The following SPRR2B variants were observed in gnomAD, a reference collection of about 807,000 sequenced individuals.
SPRR2B encodes the protein small proline-rich protein 2B.
SPRR2B carries 1 observed loss-of-function variant against 1.0 expected under a neutral mutation model. That is an observed-to-expected ratio of 1.01 (90% CI 0.36 to 4.77). The LOEUF is 4.77. Among genes scored for constraint, SPRR2B ranks in the 30% most tolerant of loss-of-function variants. The pLI is 0.16. For missense variants in SPRR2B, 53 were observed against 88.7 expected (o/e 0.60, Z 1.62); for synonymous variants, 27 against 33.4 (o/e 0.81, Z 0.66).
the SPRR2B span, among the ~76,000 whole-genome samples, chr1:153,078,283 AGAC>A: frequency 1.3e-5 from 2 of 152,240 alleles, no homozygotes; most frequent in Admixed American, 1.3e-4. Flanking sequence ...CACTAACATC[AGAC>A]ATAATTAACT....
chr1:153,073,929 T>C (rs1315900864), upstream of SPRR2B, among the ~76,000 whole-genome samples: 1 of 152,220 alleles, frequency 6.6e-6, no homozygotes, highest in Non-Finnish European at 1.5e-5. Context: ...TCACAAAGTA[T>C]ATTTGAATTT....
chr1:153,079,189 C>T, the SPRR2B span, among the ~76,000 whole-genome samples: 37 of 150,660 alleles, frequency 2.5e-4, no homozygotes, highest in East Asian at 6.0e-4. Context: ...TTATATCCTT[C>T]GCCCACTTTT....
chr1:153,079,726 C>G, the SPRR2B span, among the ~76,000 whole-genome samples: 1 of 152,026 alleles, frequency 6.6e-6, no homozygotes, highest in Non-Finnish European at 1.5e-5. Context: ...TGGTCTATAT[C>G]TCTGTTTTGG....
the SPRR2B span, among the ~76,000 whole-genome samples, chr1:153,084,963 A>G: frequency 6.6e-6 from 1 of 152,232 alleles, no homozygotes; most frequent in African/African-American, 2.4e-5. Flanking sequence ...ATCTGAATTG[A>G]TGTTATACCA....
upstream of SPRR2B, among the ~76,000 whole-genome samples, chr1:153,076,097 A>G (rs1251956813): frequency 1.3e-5 from 2 of 152,208 alleles, no homozygotes; most frequent in Admixed American, 1.3e-4. Context: ...ATATAATGTT[A>G]CCTCTAATTT....
the SPRR2B span, among the ~76,000 whole-genome samples, chr1:153,077,582 A>AAAAAAG: frequency 6.6e-6 from 1 of 151,422 alleles, no homozygotes; most frequent in Non-Finnish European, 1.5e-5. Flanking sequence ...CAAAAAAAAA[A>AAAAAAG]GGATAGAGTT....
chr1:153,084,497 G>A, the SPRR2B span, among the ~76,000 whole-genome samples: 32 of 152,004 alleles, frequency 2.1e-4, no homozygotes, highest in African/African-American at 7.3e-4. Context: ...CACAGAAAAA[G>A]CACACACACC....
the SPRR2B span, among the ~76,000 whole-genome samples, chr1:153,082,756 G>GAA: frequency 6.8e-6 from 1 of 145,992 alleles, no homozygotes; most frequent in Non-Finnish European, 1.5e-5. Flanking sequence ...CATTTTTAAT[G>GAA]AAAAAAAAAA....
chr1:153,083,519 A>G, the SPRR2B span, among the ~76,000 whole-genome samples: 1 of 152,170 alleles, frequency 6.6e-6, no homozygotes, highest in African/African-American at 2.4e-5. Context: ...TAAGGAACCG[A>G]GATTACAGGT....
At chr1:153,078,673 T>C in the SPRR2B span, among the ~76,000 whole-genome samples, 1 of 152,160 alleles carries the variant, frequency 6.6e-6, no homozygotes, top group South Asian at 2.1e-4. Flanking sequence ...TTCATCCATG[T>C]CCCTACAAAG....
chr1:153,081,489 T>A, the SPRR2B span, among the ~76,000 whole-genome samples: 1 of 152,222 alleles, frequency 6.6e-6, no homozygotes, highest in Admixed American at 6.5e-5. Flanking sequence ...TGGCATTTCC[T>A]GAAATCAAAA....
the SPRR2B span, among the ~76,000 whole-genome samples, chr1:153,079,790 A>G: frequency 6.6e-6 from 1 of 151,694 alleles, no homozygotes; most frequent in Non-Finnish European, 1.5e-5. Context: ...GTTTGAAGTC[A>G]GGTAGCATGA....
the SPRR2B span, among the ~76,000 whole-genome samples, chr1:153,078,506 C>T: frequency 6.6e-6 from 1 of 152,056 alleles, no homozygotes; most frequent in Non-Finnish European, 1.5e-5. Flanking sequence ...AATGCTATCC[C>T]TCCCCTCTAC....
the SPRR2B span, among the ~76,000 whole-genome samples, chr1:153,081,204 T>C: frequency 1.3e-5 from 2 of 152,206 alleles, no homozygotes. Context: ...TGAATCTTCA[T>C]ATCTAAGAAA....
At chr1:153,079,423 G>A in the SPRR2B span, among the ~76,000 whole-genome samples, 3 of 152,040 alleles carry the variant, frequency 2.0e-5, no homozygotes, top group African/African-American at 4.8e-5. Context: ...GGTGTTTTAG[G>A]CATGAAGTCC....
upstream of SPRR2B, among the ~76,000 whole-genome samples, chr1:153,076,061 T>C (rs1315999113): frequency 6.6e-6 from 1 of 152,144 alleles, no homozygotes; most frequent in Non-Finnish European, 1.5e-5. Context: ...ATGTGAAAAA[T>C]ATATGTTTTA....
chr1:153,070,465 G>A lies in SPRR2B; in HGVS notation c.*156C>T. On this transcript the variant is annotated 3_prime_UTR_variant, in exon 2 of 2. Transcript: ENST00000368755. ...GGCAGCCTTAGAAAGGAAACCTTTT[G>A]CTATCAGGGAACATCATGGGCAGAT... 1 of 1,367,930 alleles carries A rather than the reference G, an allele frequency of 7.3e-7. No homozygotes were observed. The highest frequency in any genetic ancestry group is 9.8e-7 in the Non-Finnish European group (1 of 1,015,940). 84.7% of individuals were successfully genotyped at this position (1,367,930 alleles called of 1,614,324 possible). A position where few individuals can be genotyped will look rare whatever the true frequency, so the allele number is the denominator to read the frequency against.
chr1:153,070,508 G>C lies in SPRR2B; in HGVS notation c.*113C>G. On this transcript the variant is annotated 3_prime_UTR_variant, in exon 2 of 2. Transcript: ENST00000368755. ...GGGCAGATCACAGGCTAAGGGGAAA[G>C]AAGCTCCCTATGAATCCATGATAAG... The C allele has an allele frequency of 1.3e-6, 2 of 1,521,712 alleles. No individual in the cohort carries two copies. Among genetic ancestry groups the C allele is most frequent in the Non-Finnish European group, 8.8e-7 (1 of 1,132,108 alleles). 94.3% of individuals were successfully genotyped at this position (1,521,712 alleles called of 1,614,324 possible).
the SPRR2B span, among the ~76,000 whole-genome samples, chr1:153,086,569 G>C: frequency 6.6e-6 from 1 of 152,100 alleles, no homozygotes; most frequent in African/African-American, 2.4e-5. Context: ...AGACTCCCCA[G>C]TAATTATAGT....
Sources: allele counts gnomAD v4.1 joint callset (sites outside exome capture counted in the v4.1 genomes callset), GRCh38; gene constraint gnomAD v4.1.1; transcripts MANE v1.5; gene names NCBI Gene and HGNC (gene_info 2026-07-23, HGNC 2026-07-21).